Variants in CPLANE1 observed in about 807,000 individuals in gnomAD.
CPLANE1 encodes ciliogenesis and planar polarity effector complex subunit 1, also known as ciliogenesis and planar polarity effector 1.
CPLANE1 carries 263 observed loss-of-function variants against 362.5 expected under a neutral mutation model. The ratio of observed to expected loss-of-function variants is 0.73; its 90% CI spans 0.66 to 0.80. The LOEUF (loss-of-function observed/expected upper bound fraction) is 0.80. CPLANE1 is among the 30% of genes least tolerant of loss of function. The probability of loss-of-function intolerance (pLI) is 0.00; values close to 1 mark genes in which losing one functional copy is unlikely to be tolerated. For missense variants in CPLANE1, 3,461 were observed against 3,793.4 expected, an observed-to-expected ratio of 0.91 and a Z score of 2.30; for synonymous variants, 1,212 against 1,302.6, an observed-to-expected ratio of 0.93 and a Z score of 1.50.
intron 34 of CPLANE1, among the ~76,000 whole-genome samples, chr5:37,168,504 A>AC (rs1263347431): frequency 6.8e-6 from 1 of 147,588 alleles, no homozygotes; most frequent in Non-Finnish European, 1.5e-5. Flanking sequence ...TTTAAAATAC[A>AC]CAATTTTTTT....
chr5:37,176,022 G>A (rs748564280), intron 30 of CPLANE1, 36 bp from the exon 31 acceptor site: 1 of 1,390,250 alleles, frequency 7.2e-7, no homozygotes, highest in Non-Finnish European at 1.0e-6. Flanking sequence ...TAGTAAGCAA[G>A]ATATTCTTTG....
chr5:37,221,969 C>T (rs1460677409), intron 14 of CPLANE1, among the ~76,000 whole-genome samples: 1 of 152,002 alleles, frequency 6.6e-6, no homozygotes, highest in Non-Finnish European at 1.5e-5. Context: ...CAAAAGGGAA[C>T]ATGCCACAAA....
Position 37,170,032 on chromosome 5 carries a change from A to G in CPLANE1, c.6462+9T>C. 1 of 1,609,256 alleles carries G rather than the reference A, an allele frequency of 6.2e-7. No homozygotes were observed. The highest frequency in any genetic ancestry group is 1.1e-5 in the South Asian group (1 of 90,706). The stretch of plus-strand genomic sequence containing the variant: ...GCCCAGCCATTAATGGTATTTTTAC[A>G]TACATTACCTGTACGTTTCCAGTAC... On this transcript the variant is annotated intron_variant, in intron 33 of 52. Transcript: ENST00000651892.
chr5:37,163,914 GAA>G (rs1326743924), intron 37 of CPLANE1, among the ~76,000 whole-genome samples: 3 of 152,124 alleles, frequency 2.0e-5, no homozygotes, highest in Non-Finnish European at 4.4e-5. Flanking sequence ...CCTATGTACT[GAA>G]AAGTCAATAA....
chr5:37,152,892 A>C (rs560302010), intron 42 of CPLANE1, among the ~76,000 whole-genome samples: 3 of 152,304 alleles, frequency 2.0e-5, no homozygotes, highest in African/African-American at 7.2e-5. Flanking sequence ...ATGACTCAAG[A>C]ATAAAAAGAA....
At chr5:37,196,796 G>T (rs1401148504) in intron 20 of CPLANE1, among the ~76,000 whole-genome samples, 1 of 152,064 alleles carries the variant, frequency 6.6e-6, no homozygotes, top group African/African-American at 2.4e-5. Context: ...GAGGTGGCAG[G>T]CGCCTGTAGT....
At chr5:37,179,916 TACTA>T in intron 28 of CPLANE1, 97 bp downstream of exon 28, 1 of 681,714 alleles carries the variant, frequency 1.5e-6, no homozygotes, top group Admixed American at 3.0e-5. Flanking sequence ...ACTGTAAACA[TACTA>T]ACTTAGGTAT....
At chr5:37,216,569 G>A (rs1794144317) in intron 15 of CPLANE1, among the ~76,000 whole-genome samples, 1 of 150,376 alleles carries the variant, frequency 6.6e-6, no homozygotes, top group Non-Finnish European at 1.5e-5. Context: ...ACACAAATGT[G>A]TGGAGTGAAG....
At position 37,241,051 on chromosome 5, in the gene CPLANE1, G is replaced by A. The variant is rs749750664; in HGVS notation, c.678-1182C>T. 8.6e-5 allele frequency among the ~76,000 whole-genome samples: 13 copies of A among 151,970 alleles called. No homozygotes were observed. In the East Asian group the frequency reaches 1.9e-3, roughly 23 times the overall value. On this transcript the variant is annotated intron_variant, in intron 6 of 52. Coordinates refer to ENST00000651892, the MANE Select transcript of CPLANE1 (RefSeq NM_001384732.1). ...CTCGGGAGGCTGAGGCAGAAGAATCGCTTGAACCCAGGAGGCAGAGGTTGC... is the reference window on the plus strand; with the variant it reads ...CTCGGGAGGCTGAGGCAGAAGAATCACTTGAACCCAGGAGGCAGAGGTTGC...
chr5:37,157,059 A>G (rs1775318721), intron 41 of CPLANE1, among the ~76,000 whole-genome samples: 1 of 152,224 alleles, frequency 6.6e-6, no homozygotes, highest in Non-Finnish European at 1.5e-5. Flanking sequence ...TCATGAACTC[A>G]CAAAGAATAT....
At chr5:37,114,828 A>AG in intron 51 of CPLANE1, 132 bp downstream of exon 51, 3 of 580,540 alleles carry the variant, frequency 5.2e-6, no homozygotes, top group Non-Finnish European at 9.1e-6. Context: ...TGAACCCGGG[A>AG]GTGGAGGTTA....
At position 37,182,988 on chromosome 5, in the gene CPLANE1, T is replaced by A; in HGVS notation, c.5193A>T (p.Glu1731Asp). Residue 1731 changes from glutamate to aspartate, a missense_variant, in exon 26 of 53, where the codon GAA (glutamate) becomes GAT (aspartate). Physicochemically the swap from Glu to Asp is conservative, Grantham distance 45. Transcript: ENST00000651892. ...AIQCNDINPQ[E>D]DLPLALNTFG... is the part of the protein sequence containing the mutation. ...AAGTGTTTAGTGCTAAAGGAAGATCTTCTTGAGGGTTAATATCATTGCACT... is the reference window on the plus strand; with the variant it reads ...AAGTGTTTAGTGCTAAAGGAAGATCATCTTGAGGGTTAATATCATTGCACT... 1 of 1,609,844 alleles carries A rather than the reference T, an allele frequency of 6.2e-7. No individual in the cohort carries two copies. The highest frequency in any genetic ancestry group is 2.2e-5 in the East Asian group (1 of 44,792).
Position 37,133,497 on chromosome 5 carries a change from G to GGTGTGT in CPLANE1, c.8792+5217_8792+5222dup, listed in dbSNP as rs70976279. ...GAGATCTCTCACCTCTTTGGTTAGAGGTGTGTGTGTGTGTGTGTGTGTGTA... is the reference window on the plus strand; with the variant it reads ...GAGATCTCTCACCTCTTTGGTTAGAGGTGTGTGTGTGTGTGTGTGTGTGTGTGTGTA... On this transcript the variant is annotated intron_variant, in intron 46 of 52. Coordinates refer to ENST00000651892, the MANE Select transcript of CPLANE1 (RefSeq NM_001384732.1). Among the ~76,000 whole-genome samples the GGTGTGT allele has an allele frequency of 5.6e-3, 829 of 148,728 alleles. 4 individuals are homozygous for GGTGTGT. The highest frequency in any genetic ancestry group is 5.2e-3 in the Non-Finnish European group (348 of 66,920).
intron 23 of CPLANE1, among the ~76,000 whole-genome samples, chr5:37,186,950 G>A (rs945930907): frequency 2.6e-5 from 4 of 151,522 alleles, no homozygotes; most frequent in South Asian, 4.2e-4. Flanking sequence ...GGTCCCAGCT[G>A]CTCGGAAGGC....
rs1157107088 is a variant in CPLANE1 at position 37,157,932 on chromosome 5, C to CA, written c.7813-65dup. 25,222 of 67,720 alleles carry CA rather than the reference C, an allele frequency of 0.37. 8,600 individuals carry two copies. Among genetic ancestry groups the CA allele is most frequent in the Non-Finnish European group, 0.43 (17,961 of 41,386 alleles). 4.2% of individuals were successfully genotyped at this position (67,720 alleles called of 1,614,324 possible). A position where few individuals can be genotyped will look rare whatever the true frequency, so the allele number is the denominator to read the frequency against. Reference sequence around the variant, plus strand: ...TTTTTACTCTATGTGGTCACTCCGCCAAAAAAAAAAAAAAAAAAAAAAAAA... The same window carrying CA: ...TTTTTACTCTATGTGGTCACTCCGCCAAAAAAAAAAAAAAAAAAAAAAAAAA... On this transcript the variant is annotated intron_variant, in intron 39 of 52. Coordinates refer to ENST00000651892, the MANE Select transcript of CPLANE1 (RefSeq NM_001384732.1).
At chr5:37,212,111 G>GT in intron 16 of CPLANE1, 1 of 938,740 alleles carries the variant, frequency 1.1e-6, no homozygotes, top group Non-Finnish European at 1.8e-6. Context: ...TAGAAAAACT[G>GT]TATCAGGAAA....
chr5:37,098,990 TA>T, the CPLANE1 span, among the ~76,000 whole-genome samples: 2 of 135,804 alleles, frequency 1.5e-5, no homozygotes, highest in Admixed American at 1.4e-4. Flanking sequence ...CTTAAGGAAC[TA>T]AAAAATGCAA....
chr5:37,195,890 T>C lies in CPLANE1; in HGVS notation c.3779A>G (p.His1260Arg), dbSNP rs1787273931. ...AFFRPGAAGD[H>R]KLDEVSIRAI... is the part of the protein sequence containing the mutation. The stretch of plus-strand genomic sequence containing the variant: ...TCTAATGGAAACTTCATCAAGCTTG[T>C]GGTCTCCAGCTGCTCCAGGTCTAAA... The change falls in exon 21 of 53, where the codon CAC becomes CGC. Residue 1260 changes from histidine (H) to arginine (R), a missense_variant. Physicochemically the swap from His to Arg is conservative, Grantham distance 29. Coordinates refer to ENST00000651892, the MANE Select transcript of CPLANE1 (RefSeq NM_001384732.1). 5 of 1,612,792 alleles carry C rather than the reference T, an allele frequency of 3.1e-6. No homozygotes were observed. Among genetic ancestry groups the C allele is most frequent in the Admixed American group, 3.3e-5 (2 of 59,824 alleles).
At chr5:37,217,776 A>T (rs1794443489) in intron 15 of CPLANE1, among the ~76,000 whole-genome samples, 1 of 151,866 alleles carries the variant, frequency 6.6e-6, no homozygotes, top group Admixed American at 6.6e-5. Flanking sequence ...CAGGAGTTCG[A>T]TACCAGCCTG....
Sources: allele counts gnomAD v4.1 joint callset (sites outside exome capture counted in the v4.1 genomes callset), GRCh38; gene constraint gnomAD v4.1.1; transcripts MANE v1.5; gene names NCBI Gene and HGNC (gene_info 2026-07-23, HGNC 2026-07-21).